Variants in CCDC148 observed in about 807,000 individuals in gnomAD.
The protein encoded by CCDC148 is coiled-coil domain containing 148.
A neutral mutation model predicts 85.7 loss-of-function variants in CCDC148; 89 were observed. The observed-to-expected ratio is 1.04, with a 90% CI of 0.87 to 1.24. The LOEUF (loss-of-function observed/expected upper bound fraction) is 1.24, where lower values mean the gene tolerates loss of function less well. CCDC148 is among the 50% of genes most tolerant of loss of function. The pLI, the probability that CCDC148 is intolerant of heterozygous loss-of-function variation, is 0.00. For synonymous variants in CCDC148, 230 were observed against 213.9 expected (o/e 1.08, Z -0.66); for missense variants, 692 against 671.7 (o/e 1.03, Z -0.33).
chr2:158,278,905 C>T (rs1002934870), intron 9 of CCDC148, among the ~76,000 whole-genome samples: 1 of 152,242 alleles, frequency 6.6e-6, no homozygotes, highest in African/African-American at 2.4e-5. Flanking sequence ...ACACCTCACA[C>T]AGCCGGGTAC....
intron 1 of CCDC148, among the ~76,000 whole-genome samples, chr2:158,436,442 C>G (rs1208571854): frequency 6.6e-6 from 1 of 152,148 alleles, no homozygotes; most frequent in Non-Finnish European, 1.5e-5. Context: ...AACAAAGACA[C>G]AACATACCAG....
intron 1 of CCDC148, among the ~76,000 whole-genome samples, chr2:158,449,731 G>A (rs1255115817): frequency 6.6e-6 from 1 of 152,202 alleles, no homozygotes; most frequent in Non-Finnish European, 1.5e-5. Flanking sequence ...TTATAGGCAT[G>A]AGCCACCATG....
intron 7 of CCDC148, among the ~76,000 whole-genome samples, chr2:158,333,248 T>C (rs1693241422): frequency 6.6e-6 from 1 of 152,332 alleles, no homozygotes; most frequent in East Asian, 1.9e-4. Context: ...TTCAAAGAAC[T>C]TATTTATTTC....
chr2:158,338,725 C>T lies in CCDC148; in HGVS notation c.764+1G>A, dbSNP rs1322777532. 9 of 1,598,604 alleles carry T rather than the reference C, an allele frequency of 5.6e-6. No individual in the cohort carries two copies. The highest frequency in any genetic ancestry group is 7.7e-6 in the Non-Finnish European group (9 of 1,175,412). On this transcript the variant is annotated splice_donor_variant, in intron 7 of 13. Coordinates refer to ENST00000283233, the MANE Select transcript of CCDC148 (RefSeq NM_138803.4). LOFTEE classifies it high-confidence loss of function. Reference sequence around the variant, plus strand: ...CACAGGACTCAGTTTTATCTTATCACCTGTATATGTCTTCCAACTGCAGAT... The same window carrying T: ...CACAGGACTCAGTTTTATCTTATCATCTGTATATGTCTTCCAACTGCAGAT...
chr2:158,268,601 G>A (rs924364136), intron 9 of CCDC148, among the ~76,000 whole-genome samples: 4 of 152,036 alleles, frequency 2.6e-5, no homozygotes, highest in Non-Finnish European at 5.9e-5. Context: ...TTGTTTTGTG[G>A]TGAGAATATT....
chr2:158,441,105 AC>A (rs1240051304), intron 1 of CCDC148, among the ~76,000 whole-genome samples: 2 of 152,096 alleles, frequency 1.3e-5, no homozygotes, highest in Non-Finnish European at 2.9e-5. Flanking sequence ...AATGACAATT[AC>A]CCCCTATATA....
At chr2:158,384,827 CCA>C (rs1259473899) in intron 1 of CCDC148, among the ~76,000 whole-genome samples, 1 of 152,102 alleles carries the variant, frequency 6.6e-6, no homozygotes, top group African/African-American at 2.4e-5. Context: ...ACAACAATAC[CCA>C]TTCTTAGCTC....
At chr2:158,400,221 A>G (rs915461864) in intron 1 of CCDC148, among the ~76,000 whole-genome samples, 11 of 152,182 alleles carry the variant, frequency 7.2e-5, no homozygotes, top group Non-Finnish European at 1.5e-4. Context: ...CAAAGTTCAT[A>G]TGAAACCAAA....
At chr2:158,433,085 AAAAAAAATAT>A (rs1461233383) in intron 1 of CCDC148, among the ~76,000 whole-genome samples, 1 of 46,600 alleles carries the variant, frequency 2.1e-5, no homozygotes, top group Non-Finnish European at 6.4e-5. Flanking sequence ...AAAAAAAAAA[AAAAAAAATAT>A]ATATATATAT....
intron 9 of CCDC148, among the ~76,000 whole-genome samples, chr2:158,287,068 G>A (rs1690661572): frequency 6.6e-6 from 1 of 152,130 alleles, no homozygotes; most frequent in South Asian, 2.1e-4. Context: ...GAAAAATCAG[G>A]AAGAAGCAAA....
chr2:158,450,848 A>T (rs1329961551), intron 1 of CCDC148, among the ~76,000 whole-genome samples: 1 of 152,092 alleles, frequency 6.6e-6, no homozygotes, highest in Non-Finnish European at 1.5e-5. Context: ...TTTTAAACAG[A>T]TTGGGGAAGT....
At chr2:158,329,736 A>T (rs1173817829) in intron 7 of CCDC148, among the ~76,000 whole-genome samples, 1 of 151,930 alleles carries the variant, frequency 6.6e-6, no homozygotes, top group Non-Finnish European at 1.5e-5. Context: ...GTCCCTTGTA[A>T]GTTGGATTCC....
At chr2:158,352,305 G>A (rs78147693) in intron 2 of CCDC148, among the ~76,000 whole-genome samples, 1 of 151,532 alleles carries the variant, frequency 6.6e-6, no homozygotes, top group Non-Finnish European at 1.5e-5. Context: ...TCAAACCAAA[G>A]GGAAAGAAGT....
chr2:158,372,560 T>C (rs1225251626), intron 1 of CCDC148, among the ~76,000 whole-genome samples: 1 of 152,086 alleles, frequency 6.6e-6, no homozygotes, highest in African/African-American at 2.4e-5. Flanking sequence ...CCTACATACC[T>C]GGACTTGATG....
intron 7 of CCDC148, among the ~76,000 whole-genome samples, chr2:158,332,697 C>T (rs1693201244): frequency 6.6e-6 from 1 of 151,882 alleles, no homozygotes; most frequent in South Asian, 2.1e-4. Flanking sequence ...TTAATTACTG[C>T]CTCAATTTTA....
chr2:158,257,585 G>A (rs549179752), intron 9 of CCDC148, among the ~76,000 whole-genome samples: 1 of 151,804 alleles, frequency 6.6e-6, no homozygotes, highest in East Asian at 1.9e-4. Context: ...GAAAAATTTT[G>A]TCTTTATTCT....
At chr2:158,377,509 G>A (rs1684703814) in intron 1 of CCDC148, among the ~76,000 whole-genome samples, 2 of 151,940 alleles carry the variant, frequency 1.3e-5, no homozygotes, top group Admixed American at 1.3e-4. Context: ...AAAATAAAAT[G>A]TATGTATGTA....
intron 9 of CCDC148, among the ~76,000 whole-genome samples, chr2:158,255,425 C>G (rs1000855): frequency 0.17 from 25,628 of 151,628 alleles, 2,682 homozygotes; most frequent in Middle Eastern, 0.25. Flanking sequence ...TTTAAGAATG[C>G]ACACTGGATA....
rs544499898 is a variant in CCDC148, at chr2:158,283,455, A to G, written c.1110+25978T>C. 2.0e-5 allele frequency among the ~76,000 whole-genome samples: 3 copies of G among 152,366 alleles called. No individual in the cohort carries two copies. In the South Asian group the frequency reaches 6.2e-4, roughly 32 times the overall value. On this transcript the variant is annotated intron_variant, in intron 9 of 13. Transcript: ENST00000283233. ...CAAGTGAAAAACAACGCCATCAAAA[A>G]GTGGGCAAAGGATATGAATAGACAC...
Sources: allele counts gnomAD v4.1 joint callset (sites outside exome capture counted in the v4.1 genomes callset), GRCh38; gene constraint gnomAD v4.1.1; transcripts MANE v1.5; gene names NCBI Gene and HGNC (gene_info 2026-07-23, HGNC 2026-07-21).